The following ALCAM variants were observed in gnomAD, a reference collection of about 807,000 sequenced individuals.
ALCAM encodes activated leukocyte cell adhesion molecule, also known as CD166 antigen.
Under a neutral mutation model 70.9 loss-of-function variants are expected in ALCAM, and 30 were observed. The ratio of observed to expected loss-of-function variants is 0.42; its 90% CI spans 0.32 to 0.57. ALCAM has a LOEUF of 0.57. Among genes scored for constraint, ALCAM ranks in the 20% least tolerant of loss-of-function variants. The pLI is 0.11. For missense variants in ALCAM, 591 were observed against 695.1 expected (o/e 0.85, Z 1.68); for synonymous variants, 249 against 242.5 (o/e 1.03, Z -0.25).
intron 1 of ALCAM, among the ~76,000 whole-genome samples, chr3:105,475,532 A>G (rs1938085473): frequency 6.6e-6 from 1 of 151,976 alleles, no homozygotes; most frequent in African/African-American, 2.4e-5. Context: ...TATATCTGTA[A>G]CTTTTTGTTA....
rs563912275 is a variant in ALCAM at position 105,442,879 on chromosome 3, T to C, written c.73+75398T>C. 6.6e-5 allele frequency among the ~76,000 whole-genome samples: 10 copies of C among 152,290 alleles called. No individual in the cohort carries two copies. The South Asian group carries it at 1.7e-3, about 25-fold the overall frequency. ...AGATAAGGTCTCCTTCTGTTGCGCA[T>C]GGTGAAGTATAGTGAGTATAGCTCA... On this transcript the variant is annotated intron_variant, in intron 1 of 15. Coordinates refer to ENST00000306107, the MANE Select transcript of ALCAM (RefSeq NM_001627.4).
At chr3:105,442,340 A>G (rs999255696) in intron 1 of ALCAM, among the ~76,000 whole-genome samples, 3 of 152,242 alleles carry the variant, frequency 2.0e-5, no homozygotes, top group Non-Finnish European at 4.4e-5. Context: ...ACAGGATGTT[A>G]GCCAAGTAAA....
chr3:105,531,193 T>G (rs1273455939), intron 3 of ALCAM: 1 of 152,040 alleles, frequency 6.6e-6, no homozygotes, highest in Non-Finnish European at 1.5e-5. Context: ...AAGAATAAAA[T>G]AACTTAAAAT....
intron 1 of ALCAM, among the ~76,000 whole-genome samples, chr3:105,385,104 C>T (rs192684737): frequency 1.5e-4 from 22 of 151,628 alleles, no homozygotes; most frequent in Admixed American, 4.6e-4. Flanking sequence ...CTAGGCTTCA[C>T]GTTCTTGATG....
rs1228999299 is a variant in ALCAM at position 105,524,768 on chromosome 3, G to A, written c.394+260G>A. Reference sequence around the variant, plus strand: ...GTCATGTAAAAATGTCGTGAGCTATGAAGTACTACTACTGATAACTAGCAG... The same window carrying A: ...GTCATGTAAAAATGTCGTGAGCTATAAAGTACTACTACTGATAACTAGCAG... On this transcript the variant is annotated intron_variant, in intron 3 of 15. Coordinates refer to ENST00000306107, the MANE Select transcript of ALCAM (RefSeq NM_001627.4). 34 of 1,221,646 alleles carry A rather than the reference G, an allele frequency of 2.8e-5. No individual in the cohort carries two copies. The Admixed American group carries it at 3.0e-4, about 11-fold the overall frequency. 75.7% of individuals were successfully genotyped at this position (1,221,646 alleles called of 1,614,324 possible).
chr3:105,527,670 A>G (rs1939738713), intron 3 of ALCAM, among the ~76,000 whole-genome samples: 1 of 151,954 alleles, frequency 6.6e-6, no homozygotes, highest in Non-Finnish European at 1.5e-5. Flanking sequence ...TGCTAATTGC[A>G]AGTCTAGTCT....
At chr3:105,446,939 A>G (rs1222434645) in intron 1 of ALCAM, among the ~76,000 whole-genome samples, 1 of 152,146 alleles carries the variant, frequency 6.6e-6, no homozygotes, top group Non-Finnish European at 1.5e-5. Context: ...CTGGTGTTCT[A>G]TTGCACAGTA....
chr3:105,458,766 G>A (rs2152596112), intron 1 of ALCAM, among the ~76,000 whole-genome samples: 1 of 152,230 alleles, frequency 6.6e-6, no homozygotes, highest in Middle Eastern at 3.4e-3. Context: ...TACTCAACAA[G>A]CTACAGCATT....
chr3:105,430,313 C>T (rs1936898259), intron 1 of ALCAM, among the ~76,000 whole-genome samples: 1 of 151,840 alleles, frequency 6.6e-6, no homozygotes, highest in African/African-American at 2.4e-5. Flanking sequence ...TGTCCTTTTT[C>T]TGTGACATTT....
At chr3:105,473,648 C>T (rs924622300) in intron 1 of ALCAM, among the ~76,000 whole-genome samples, 1 of 151,532 alleles carries the variant, frequency 6.6e-6, no homozygotes. Context: ...CACACCACAG[C>T]TCAGAAACCC....
At chr3:105,498,239 C>T (rs532964635) in intron 1 of ALCAM, among the ~76,000 whole-genome samples, 5 of 152,196 alleles carry the variant, frequency 3.3e-5, no homozygotes, top group African/African-American at 1.2e-4. Context: ...GGTTCAAAAC[C>T]AGGACGTTTG....
At chr3:105,451,862 G>A (rs905685102) in intron 1 of ALCAM, among the ~76,000 whole-genome samples, 3 of 152,096 alleles carry the variant, frequency 2.0e-5, no homozygotes, top group Non-Finnish European at 4.4e-5. Context: ...AGGACACTGC[G>A]TTGGTTTGCC....
chr3:105,488,372 C>A (rs1159670888), intron 1 of ALCAM, among the ~76,000 whole-genome samples: 1 of 151,972 alleles, frequency 6.6e-6, no homozygotes, highest in Non-Finnish European at 1.5e-5. Context: ...AATATAAAGG[C>A]CAATCCAGGC....
chr3:105,455,667 T>C lies in ALCAM; in HGVS notation c.74-64400T>C, dbSNP rs149399553. Among the ~76,000 whole-genome samples the C allele has an allele frequency of 3.7e-3, 567 of 152,306 alleles. 5 individuals are homozygous for C. Among genetic ancestry groups the C allele is most frequent in the Middle Eastern group, 0.027 (8 of 294 alleles). On this transcript the variant is annotated intron_variant, in intron 1 of 15. Coordinates refer to ENST00000306107, the MANE Select transcript of ALCAM (RefSeq NM_001627.4). ...GTAGCTTTCCTGAAGACATGCTCAC[T>C]AGTGTGCCATGTCAGTTTACCATTG... is the stretch of plus-strand genomic sequence containing the variant.
At chr3:105,464,302 C>T (rs188526161) in intron 1 of ALCAM, among the ~76,000 whole-genome samples, 2 of 150,770 alleles carry the variant, frequency 1.3e-5, no homozygotes, top group African/African-American at 4.9e-5. Flanking sequence ...GTGCATAATC[C>T]TGGTTCCCAA....
At chr3:105,478,113 C>T (rs1938171179) in intron 1 of ALCAM, among the ~76,000 whole-genome samples, 1 of 152,072 alleles carries the variant, frequency 6.6e-6, no homozygotes, top group Non-Finnish European at 1.5e-5. Flanking sequence ...CTTCTACTAT[C>T]TAGTAATTTT....
chr3:105,389,173 C>G (rs1422089605), intron 1 of ALCAM, among the ~76,000 whole-genome samples: 2 of 151,386 alleles, frequency 1.3e-5, no homozygotes, highest in African/African-American at 2.4e-5. Context: ...ATGACACATT[C>G]AAACAGAAAA....
intron 1 of ALCAM, among the ~76,000 whole-genome samples, chr3:105,508,004 A>G (rs764637973): frequency 1.3e-5 from 2 of 152,100 alleles, no homozygotes; most frequent in African/African-American, 2.4e-5. Context: ...CCTGATCTGA[A>G]AGATGCCTAT....
intron 2 of ALCAM, 128 bp downstream of exon 2, chr3:105,520,295 G>A (rs755860801): frequency 3.2e-6 from 2 of 617,422 alleles, no homozygotes; most frequent in South Asian, 2.3e-5. Context: ...AATGTAGGAA[G>A]GTAAAATTGT....
Sources: gnomAD v4.1 joint callset for allele counts (sites outside exome capture counted in the v4.1 genomes callset) on GRCh38, gnomAD v4.1.1 for gene constraint, MANE v1.5 for transcripts, NCBI Gene and HGNC (gene_info 2026-07-23, HGNC 2026-07-21) for gene names.